Variants in NCKAP5 observed in about 807,000 individuals in gnomAD.
The protein encoded by NCKAP5 is nck-associated protein 5.
In NCKAP5, 92 loss-of-function variants were observed where a neutral mutation model predicts 167.0. The ratio of observed to expected loss-of-function variants is 0.55; its 90% CI spans 0.47 to 0.66. The LOEUF is 0.66. Ranked by LOEUF, NCKAP5 falls within the 30% of genes least tolerant of loss-of-function variation. The probability of loss-of-function intolerance (pLI) is 0.00; values close to 1 mark genes in which losing one functional copy is unlikely to be tolerated. For synonymous variants in NCKAP5, 891 were observed against 877.4 expected (o/e 1.02, Z -0.27); for missense variants, 2,378 against 2,315.0 (o/e 1.03, Z -0.56).
At chr2:133,666,037 A>G in the NCKAP5 span, among the ~76,000 whole-genome samples, 1 of 152,080 alleles carries the variant, frequency 6.6e-6, no homozygotes, top group Non-Finnish European at 1.5e-5. Flanking sequence ...TCTCATTTTA[A>G]TGGAAGTACT....
chr2:133,610,021 GA>G, the NCKAP5 span, among the ~76,000 whole-genome samples: 1 of 152,144 alleles, frequency 6.6e-6, no homozygotes, highest in Admixed American at 6.6e-5. Flanking sequence ...ATCCCAATAG[GA>G]GGCAAATGAT....
At chr2:133,090,424 C>A (rs1032963346) in intron 6 of NCKAP5, among the ~76,000 whole-genome samples, 4 of 151,848 alleles carry the variant, frequency 2.6e-5, no homozygotes, top group Admixed American at 2.6e-4. Flanking sequence ...GCCACCTCTT[C>A]GTTGTGGAGG....
chr2:133,380,208 C>A (rs1686422216), intron 3 of NCKAP5, among the ~76,000 whole-genome samples: 1 of 152,108 alleles, frequency 6.6e-6, no homozygotes, highest in African/African-American at 2.4e-5. Context: ...CACACCAACC[C>A]ATTCAAACTG....
chr2:132,910,804 TGG>T (rs1350911403), intron 8 of NCKAP5, among the ~76,000 whole-genome samples: 2 of 152,204 alleles, frequency 1.3e-5, no homozygotes, highest in Non-Finnish European at 2.9e-5. Flanking sequence ...GTATAAGCTT[TGG>T]ATTGGATTGG....
At chr2:133,531,353 T>A in intron 2 of NCKAP5, among the ~76,000 whole-genome samples, 1 of 152,324 alleles carries the variant, frequency 6.6e-6, no homozygotes, top group East Asian at 1.9e-4. Flanking sequence ...ATACTAAGTA[T>A]GTTTTATTAC....
chr2:133,062,304 A>G (rs868836944), intron 6 of NCKAP5, among the ~76,000 whole-genome samples: 9 of 152,218 alleles, frequency 5.9e-5, no homozygotes, highest in Non-Finnish European at 8.8e-5. Flanking sequence ...GTATCACTAT[A>G]TGAGGCTTGG....
At chr2:132,711,861 G>C (rs1056886496) in intron 19 of NCKAP5, among the ~76,000 whole-genome samples, 1 of 152,106 alleles carries the variant, frequency 6.6e-6, no homozygotes, top group Non-Finnish European at 1.5e-5. Flanking sequence ...TTCCACTAGG[G>C]GGATGGTAGA....
intron 5 of NCKAP5, among the ~76,000 whole-genome samples, chr2:133,157,540 C>T (rs1028808374): frequency 1.3e-5 from 2 of 152,130 alleles, no homozygotes; most frequent in Non-Finnish European, 2.9e-5. Context: ...GGTTTTCACG[C>T]TTTTGTTTGT....
intron 3 of NCKAP5, among the ~76,000 whole-genome samples, chr2:133,495,184 G>A (rs1240165985): frequency 6.6e-6 from 1 of 152,126 alleles, no homozygotes; most frequent in African/African-American, 2.4e-5. Context: ...TGTATTGATT[G>A]ATGTCTTATA....
intron 6 of NCKAP5, among the ~76,000 whole-genome samples, chr2:133,006,626 A>ATT (rs11325580): frequency 1.6e-5 from 2 of 121,356 alleles, no homozygotes; most frequent in Non-Finnish European, 1.9e-5. Context: ...ATTTTATTTT[A>ATT]TTTTTTTTTT....
intron 9 of NCKAP5, among the ~76,000 whole-genome samples, chr2:132,874,003 A>G (rs1691050443): frequency 6.6e-6 from 1 of 152,110 alleles, no homozygotes; most frequent in Admixed American, 6.6e-5. Context: ...TAGAATCTGG[A>G]GCAAACAAGG....
chr2:133,191,522 T>C (rs10928445), intron 5 of NCKAP5, among the ~76,000 whole-genome samples: 15,240 of 152,192 alleles, frequency 0.1, 875 homozygotes, highest in East Asian at 0.14. Context: ...CCAACCTAAA[T>C]GTCCATGAAT....
the NCKAP5 span, among the ~76,000 whole-genome samples, chr2:133,615,431 C>T: frequency 6.6e-6 from 1 of 151,848 alleles, no homozygotes; most frequent in African/African-American, 2.4e-5. Flanking sequence ...CACACATAGG[C>T]TCAAAATAAA....
rs536576077 is a variant in NCKAP5 at position 133,156,305 on chromosome 2, C to T, written c.208-26194G>A. Among the ~76,000 whole-genome samples the T allele has an allele frequency of 3.7e-4, 57 of 152,226 alleles. No homozygotes were observed. The East Asian group carries it at 5.0e-3, about 13-fold the overall frequency. On this transcript the variant is annotated intron_variant, in intron 5 of 19. Transcript: ENST00000409261. ...CAGGAACCCAGACGCATAAGCTCAGCGTCAGTTTTTCACCTCTTGTAATTG... is the reference window on the plus strand; with the variant it reads ...CAGGAACCCAGACGCATAAGCTCAGTGTCAGTTTTTCACCTCTTGTAATTG...
chr2:132,723,453 C>T (rs149350216), intron 19 of NCKAP5, among the ~76,000 whole-genome samples: 4,924 of 152,076 alleles, frequency 0.032, 418 homozygotes, highest in East Asian at 0.19. Context: ...TGAGCCACCG[C>T]GCCCGGCCAT....
intron 5 of NCKAP5, among the ~76,000 whole-genome samples, chr2:133,147,675 T>C (rs1204093394): frequency 6.6e-6 from 1 of 152,126 alleles, no homozygotes; most frequent in Non-Finnish European, 1.5e-5. Context: ...GAGCAACATC[T>C]ACATTCCCAG....
intron 6 of NCKAP5, among the ~76,000 whole-genome samples, chr2:133,093,334 C>T (rs1195128825): frequency 3.3e-5 from 5 of 152,176 alleles, no homozygotes; most frequent in Non-Finnish European, 7.3e-5. Flanking sequence ...TGGAGTTTGA[C>T]TCTAAGAGTT....
intron 6 of NCKAP5, among the ~76,000 whole-genome samples, chr2:133,010,662 G>T (rs921545090): frequency 2.0e-5 from 3 of 152,156 alleles, no homozygotes; most frequent in Non-Finnish European, 4.4e-5. Flanking sequence ...GAACTGCTAT[G>T]ATAAAACCAA....
At chr2:132,962,676 C>T (rs900088865) in intron 8 of NCKAP5, among the ~76,000 whole-genome samples, 2 of 151,996 alleles carry the variant, frequency 1.3e-5, no homozygotes, top group African/African-American at 4.8e-5. Flanking sequence ...CTGCAAGCTC[C>T]GCCTCCCAGG....
Sources: gnomAD v4.1 joint callset for allele counts (sites outside exome capture counted in the v4.1 genomes callset) on GRCh38, gnomAD v4.1.1 for gene constraint, MANE v1.5 for transcripts, NCBI Gene and HGNC (gene_info 2026-07-23, HGNC 2026-07-21) for gene names.